Variants in SLC15A1 observed in about 807,000 individuals in gnomAD.
SLC15A1 encodes the protein solute carrier family 15 member 1.
A neutral mutation model predicts 92.9 loss-of-function variants in SLC15A1; 83 were observed. The observed-to-expected ratio is 0.89, with a 90% CI of 0.75 to 1.07. The LOEUF (loss-of-function observed/expected upper bound fraction) is 1.07, where lower values mean the gene tolerates loss of function less well. Ranked by LOEUF, SLC15A1 falls within the 50% of genes least tolerant of loss-of-function variation. SLC15A1 has a pLI of 0.00. For synonymous variants in SLC15A1, 322 were observed against 318.2 expected (o/e 1.01, Z -0.13); for missense variants, 857 against 880.1 (o/e 0.97, Z 0.33).
chr13:98,685,353 C>T (rs2087921319), intron 22 of SLC15A1, among the ~76,000 whole-genome samples: 1 of 152,216 alleles, frequency 6.6e-6, no homozygotes, highest in African/African-American at 2.4e-5. Context: ...AGCATTAGCA[C>T]ATCTGCTGCT....
intron 6 of SLC15A1, 65 bp from the exon 7 acceptor site, chr13:98,721,650 G>T: frequency 7.7e-7 from 1 of 1,294,340 alleles, no homozygotes; most frequent in Non-Finnish European, 1.1e-6. Context: ...GGGAGCTGAT[G>T]ATCTCATTTT....
intron 14 of SLC15A1, 28 bp downstream of exon 14, chr13:98,709,544 C>A: frequency 6.2e-7 from 1 of 1,608,570 alleles, no homozygotes. Context: ...AAGGGAGCCT[C>A]AACCAACCCA....
At chr13:98,697,118 C>T (rs374679363) in intron 18 of SLC15A1, among the ~76,000 whole-genome samples, 43 of 152,190 alleles carry the variant, frequency 2.8e-4, no homozygotes, top group African/African-American at 9.9e-4. Flanking sequence ...TGCAGTGCCG[C>T]GATCTTGGCT....
intron 1 of SLC15A1, among the ~76,000 whole-genome samples, chr13:98,746,765 C>G (rs2088496377): frequency 1.3e-5 from 2 of 152,144 alleles, no homozygotes; most frequent in Admixed American, 6.5e-5. Context: ...TCCATATCCC[C>G]ACATCATACC....
rs201035812 is a variant in SLC15A1, at chr13:98,712,522, C to T, written c.786G>A (p.Leu262=). 37 of 1,612,048 alleles carry T rather than the reference C, an allele frequency of 2.3e-5. No homozygotes were observed. The highest frequency in any genetic ancestry group is 3.0e-5 in the Non-Finnish European group (35 of 1,178,914). Residue 262 remains leucine, a synonymous_variant, in exon 10 of 23, where the codon CTG becomes CTA. Coordinates refer to ENST00000376503, the MANE Select transcript of SLC15A1 (RefSeq NM_005073.4). Reference sequence around the variant, plus strand: ...CATCGTATTTCTCTTTAGCCCAGTCCAGCCAGTGCTCCCTCTTGGGAAATG... The same window carrying T: ...CATCGTATTTCTCTTTAGCCCAGTCTAGCCAGTGCTCCCTCTTGGGAAATG... ...SKAFPKREHW[L]DWAKEKYDER... is the part of the protein sequence containing the mutation.
intron 1 of SLC15A1, among the ~76,000 whole-genome samples, chr13:98,746,023 C>A (rs1236939232): frequency 6.6e-6 from 1 of 152,144 alleles, no homozygotes; most frequent in East Asian, 1.9e-4. Flanking sequence ...ACAGCTCTCT[C>A]CTCCTACCCT....
At position 98,704,273 on chromosome 13, in the gene SLC15A1, G is replaced by A; in HGVS notation, c.1416+16C>T. On this transcript the variant is annotated intron_variant, in intron 17 of 22. Coordinates refer to ENST00000376503, the MANE Select transcript of SLC15A1 (RefSeq NM_005073.4). ...ACAAATAGCAAAGAGTCAGCTGTAGGTCTTCACACACTTACCACCTGGTAG... is the reference window on the plus strand; with the variant it reads ...ACAAATAGCAAAGAGTCAGCTGTAGATCTTCACACACTTACCACCTGGTAG... 6.3e-7 allele frequency: 1 copy of A among 1,576,566 alleles called. No individual in the cohort carries two copies. Among genetic ancestry groups the A allele is most frequent in the Non-Finnish European group, 8.6e-7 (1 of 1,166,564 alleles).
At chr13:98,690,006 TC>T (rs2087962481) in intron 18 of SLC15A1, among the ~76,000 whole-genome samples, 1 of 152,168 alleles carries the variant, frequency 6.6e-6, no homozygotes, top group Non-Finnish European at 1.5e-5. Flanking sequence ...TCATAGCTGT[TC>T]CAGGCTATAG....
At chr13:98,738,812 T>C (rs2139607021) in intron 1 of SLC15A1, among the ~76,000 whole-genome samples, 1 of 152,320 alleles carries the variant, frequency 6.6e-6, no homozygotes, top group Admixed American at 6.5e-5. Context: ...CATTGAGGCA[T>C]TGCCTAGTGG....
At chr13:98,720,069 C>T (rs2088244052) in intron 7 of SLC15A1, among the ~76,000 whole-genome samples, 1 of 152,202 alleles carries the variant, frequency 6.6e-6, no homozygotes. Flanking sequence ...GCATGATCTG[C>T]TGCTATCAGG....
In SLC15A1 at chr13:98,715,918, G is replaced by A. The variant is rs761207197; in HGVS notation, c.683C>T (p.Pro228Leu). 7.4e-6 allele frequency: 12 copies of A among 1,614,148 alleles called. No homozygotes were observed. The East Asian group carries it at 2.7e-4, about 36-fold the overall frequency. Residue 228 changes from proline (P) to leucine (L), a missense_variant, in exon 9 of 23, where the codon CCA becomes CTA. Physicochemically the swap from Pro to Leu is moderately conservative, Grantham distance 98. Transcript: ENST00000376503. Reference sequence around the variant, plus strand: ...CACTTTACCCATGATGTTGCCCTGTGGCTTGAACTTCTTGTACATCCCACT... The same window carrying A: ...CACTTTACCCATGATGTTGCCCTGTAGCTTGAACTTCTTGTACATCCCACT... Reference protein sequence around the residue: ...LGSGMYKKFKPQGNIMGKVAK... With the variant: ...LGSGMYKKFKLQGNIMGKVAK...
intron 22 of SLC15A1, 51 bp downstream of exon 22, chr13:98,686,139 C>T (rs777033364): frequency 7.4e-7 from 1 of 1,357,928 alleles, no homozygotes; most frequent in South Asian, 1.2e-5. Flanking sequence ...ACCATGATGA[C>T]CATGAACAGG....
At chr13:98,731,061 T>C (rs2139600570) in intron 1 of SLC15A1, among the ~76,000 whole-genome samples, 1 of 152,298 alleles carries the variant, frequency 6.6e-6, no homozygotes, top group African/African-American at 2.4e-5. Flanking sequence ...CCCACACAAC[T>C]CTTTCCTTCC....
rs1270577401 is a variant in SLC15A1 at position 98,709,899 on chromosome 13, T to A, written c.913A>T (p.Thr305Ser). The change falls in exon 12 of 23, where the codon ACA becomes TCA. Residue 305 changes from threonine to serine, a missense_variant. Coordinates refer to ENST00000376503, the MANE Select transcript of SLC15A1 (RefSeq NM_005073.4). ...ALFDQQGSRWTLQATTMSGKI... is the reference protein window; with the variant it reads ...ALFDQQGSRWSLQATTMSGKI... ...CCGGACATAGTTGTTGCCTGCAGTGTCCACCTGGAGCCCTTAAAAATGAAT... is the reference window on the plus strand; with the variant it reads ...CCGGACATAGTTGTTGCCTGCAGTGACCACCTGGAGCCCTTAAAAATGAAT... 4 of 1,614,120 alleles carry A rather than the reference T, an allele frequency of 2.5e-6. No homozygotes were observed. The African/African-American group carries it at 4.0e-5, about 16-fold the overall frequency.
intron 1 of SLC15A1, 123 bp from the exon 2 acceptor site, chr13:98,726,982 C>T (rs2088307375): frequency 1.2e-6 from 1 of 836,088 alleles, no homozygotes; most frequent in African/African-American, 1.7e-5. Flanking sequence ...ACAGCTCCAG[C>T]CCTCCCTGGG....
chr13:98,743,270 C>G (rs1384881269), intron 1 of SLC15A1, among the ~76,000 whole-genome samples: 3 of 152,212 alleles, frequency 2.0e-5, no homozygotes, highest in Non-Finnish European at 4.4e-5. Context: ...TCACAACTTA[C>G]TGATTTAGGT....
chr13:98,684,951 CA>C (rs2087919102), intron 22 of SLC15A1, 36 bp from the exon 23 acceptor site: 2 of 1,564,394 alleles, frequency 1.3e-6, no homozygotes, highest in Non-Finnish European at 1.7e-6. Context: ...GGAAAAAGAA[CA>C]AAAATAAAAC....
chr13:98,689,346 G>A (rs913326303), intron 18 of SLC15A1, among the ~76,000 whole-genome samples: 3 of 152,166 alleles, frequency 2.0e-5, no homozygotes, highest in Admixed American at 2.0e-4. Context: ...GGGGGTTGAG[G>A]AGGAAAGCCC....
At chr13:98,748,278 C>A (rs1687832915) in intron 1 of SLC15A1, among the ~76,000 whole-genome samples, 1 of 152,166 alleles carries the variant, frequency 6.6e-6, no homozygotes, top group Admixed American at 6.5e-5. Flanking sequence ...TTTCTACTCT[C>A]TTTACTTCTT....
Sources: gnomAD v4.1 joint callset for allele counts (sites outside exome capture counted in the v4.1 genomes callset) on GRCh38, gnomAD v4.1.1 for gene constraint, MANE v1.5 for transcripts, NCBI Gene and HGNC (gene_info 2026-07-23, HGNC 2026-07-21) for gene names.